The following CMKLR2 variants were observed in gnomAD, a reference collection of about 807,000 sequenced individuals.
CMKLR2 encodes chemerin-like receptor 2.
In CMKLR2, 18 loss-of-function variants were observed where a neutral mutation model predicts 23.0. That is an observed-to-expected ratio of 0.78 (90% CI 0.54 to 1.16). The LOEUF is 1.16. Among genes scored for constraint, CMKLR2 ranks in the 50% most tolerant of loss-of-function variants. The probability of loss-of-function intolerance (pLI) is 0.00; values close to 1 mark genes in which losing one functional copy is unlikely to be tolerated. For synonymous variants in CMKLR2, 158 were observed against 158.9 expected (o/e 0.99, Z 0.05); for missense variants, 401 against 412.7 (o/e 0.97, Z 0.25).
At position 206,177,413 on chromosome 2, in the gene CMKLR2, G is replaced by A. The variant is rs137958765; in HGVS notation, c.-28-138C>T. On this transcript the variant is annotated intron_variant, in intron 1 of 1. Coordinates refer to ENST00000621141, the MANE Select transcript of CMKLR2 (RefSeq NM_001389445.1). Reference sequence around the variant, plus strand: ...ATTATTTTTTCTTTTTTTTGAGACAGGGTCTCACTCTGTTGCCCAAGCTGG... The same window carrying A: ...ATTATTTTTTCTTTTTTTTGAGACAAGGTCTCACTCTGTTGCCCAAGCTGG... 154 of 560,194 alleles carry A rather than the reference G, an allele frequency of 2.7e-4. No homozygotes were observed. In the African/African-American group the frequency reaches 2.8e-3, roughly 10 times the overall value. 34.7% of individuals were successfully genotyped at this position (560,194 alleles called of 1,614,324 possible).
chr2:206,200,307 C>T (rs1035684249), intron 1 of CMKLR2, among the ~76,000 whole-genome samples: 2 of 152,180 alleles, frequency 1.3e-5, no homozygotes, highest in Admixed American at 6.5e-5. Flanking sequence ...CCTGTAATCC[C>T]AGCTGCTCGG....
In CMKLR2 at chr2:206,177,015, T is replaced by C. The variant is rs1435725486; in HGVS notation, c.233A>G (p.Asn78Ser). The change falls in exon 2 of 2, where the codon AAT (asparagine) becomes AGT (serine). Residue 78 changes from asparagine (N) to serine (S), a missense_variant. Physicochemically the swap from Asn to Ser is conservative, Grantham distance 46. Coordinates refer to ENST00000621141, the MANE Select transcript of CMKLR2 (RefSeq NM_001389445.1). ...KKTVTTLWFLNLAIADFIFLL... is the reference protein window; with the variant it reads ...KKTVTTLWFLSLAIADFIFLL... The stretch of plus-strand genomic sequence containing the variant: ...AAAAATGAAATCCGCAATGGCTAGA[T>C]TGAGGAACCACAGAGTGGTGACTGT... 3.1e-6 allele frequency: 5 copies of C among 1,614,158 alleles called. No individual in the cohort carries two copies. Among genetic ancestry groups the C allele is most frequent in the Non-Finnish European group, 4.2e-6 (5 of 1,180,020 alleles).
chr2:206,186,407 G>A (rs957912941), intron 1 of CMKLR2, among the ~76,000 whole-genome samples: 1 of 152,178 alleles, frequency 6.6e-6, no homozygotes, highest in African/African-American at 2.4e-5. Context: ...CACCGCGCCC[G>A]GCCGGAATGG....
intron 1 of CMKLR2, among the ~76,000 whole-genome samples, chr2:206,204,143 G>A (rs1280495575): frequency 1.3e-5 from 2 of 152,036 alleles, no homozygotes; most frequent in African/African-American, 2.4e-5. Flanking sequence ...ACGAGGTCAG[G>A]AGATCGAGAC....
chr2:206,180,957 G>T, intron 1 of CMKLR2, among the ~76,000 whole-genome samples: 1 of 151,764 alleles, frequency 6.6e-6, no homozygotes, highest in East Asian at 1.9e-4. Context: ...GTTTCACTTT[G>T]TTGGCCAGGC....
chr2:206,194,139 C>G (rs1297397332), intron 1 of CMKLR2, among the ~76,000 whole-genome samples: 1 of 152,046 alleles, frequency 6.6e-6, no homozygotes, highest in Non-Finnish European at 1.5e-5. Context: ...GTTCATTATC[C>G]GGAGAGGTAA....
At chr2:206,211,452 A>G (rs989782019) in intron 1 of CMKLR2, among the ~76,000 whole-genome samples, 1 of 151,822 alleles carries the variant, frequency 6.6e-6, no homozygotes, top group African/African-American at 2.4e-5. Flanking sequence ...AGCCTCCCAA[A>G]TAGCTGGGAC....
chr2:206,207,236 G>C (rs1689360962), intron 1 of CMKLR2, among the ~76,000 whole-genome samples: 2 of 151,482 alleles, frequency 1.3e-5, no homozygotes, highest in Admixed American at 6.6e-5. Flanking sequence ...CTGCAACAGG[G>C]TTCAAGTGAT....
At chr2:206,195,269 G>A (rs1688883947) in intron 1 of CMKLR2, among the ~76,000 whole-genome samples, 1 of 152,146 alleles carries the variant, frequency 6.6e-6, no homozygotes, top group African/African-American at 2.4e-5. Context: ...AATGCTTAAG[G>A]AACCAGTGAG....
chr2:206,190,890 G>A (rs746131649), intron 1 of CMKLR2, among the ~76,000 whole-genome samples: 7 of 152,124 alleles, frequency 4.6e-5, no homozygotes, highest in Non-Finnish European at 7.4e-5. Flanking sequence ...CACATGTACC[G>A]GAAGTCAACG....
At chr2:206,181,515 CA>C (rs1688411558) in intron 1 of CMKLR2, among the ~76,000 whole-genome samples, 1 of 152,100 alleles carries the variant, frequency 6.6e-6, no homozygotes, top group Non-Finnish European at 1.5e-5. Flanking sequence ...TTGACTCCCC[CA>C]AAACTTAACT....
intron 1 of CMKLR2, among the ~76,000 whole-genome samples, chr2:206,195,470 A>T (rs1451931397): frequency 3.3e-5 from 5 of 152,172 alleles, no homozygotes. Flanking sequence ...GGTGGGCACT[A>T]AGGGAGTTTG....
At chr2:206,201,107 A>G (rs567701857) in intron 1 of CMKLR2, among the ~76,000 whole-genome samples, 11 of 151,482 alleles carry the variant, frequency 7.3e-5, no homozygotes, top group African/African-American at 2.7e-4. Context: ...ACCCACCACC[A>G]CTCCTGGCTA....
upstream of CMKLR2, among the ~76,000 whole-genome samples, chr2:206,216,988 A>G (rs1689775210): frequency 1.3e-5 from 2 of 152,148 alleles, no homozygotes; most frequent in South Asian, 4.1e-4. Context: ...AACATCTAAA[A>G]ACTCTGATGA....
At chr2:206,194,625 A>T (rs768423456) in intron 1 of CMKLR2, among the ~76,000 whole-genome samples, 9 of 151,438 alleles carry the variant, frequency 5.9e-5, no homozygotes, top group African/African-American at 1.2e-4. Context: ...TAGTAGAGAC[A>T]GGGTTTCACC....
intron 1 of CMKLR2, among the ~76,000 whole-genome samples, chr2:206,179,055 CTTTTTTTTTTTTTTTTT>C (rs71034421): frequency 2.6e-3 from 128 of 49,352 alleles, no homozygotes; most frequent in Middle Eastern, 0.02. Context: ...CTCCCTGTCC[CTTTTTTTTTTTTTTTTT>C]TTTTTTTTTT....
intron 1 of CMKLR2, among the ~76,000 whole-genome samples, chr2:206,203,180 T>C (rs1340420163): frequency 1.7e-5 from 2 of 118,128 alleles, no homozygotes; most frequent in East Asian, 5.3e-4. Context: ...AAAAAAAAAT[T>C]AGCCGGGCAT....
At chr2:206,181,525 C>T (rs1368279251) in intron 1 of CMKLR2, among the ~76,000 whole-genome samples, 1 of 152,162 alleles carries the variant, frequency 6.6e-6, no homozygotes, top group African/African-American at 2.4e-5. Flanking sequence ...CAAAACTTAA[C>T]TATTAATAGC....
intron 1 of CMKLR2, among the ~76,000 whole-genome samples, chr2:206,193,102 G>T (rs1259650426): frequency 6.6e-6 from 1 of 152,010 alleles, no homozygotes; most frequent in African/African-American, 2.4e-5. Context: ...GGCCAACTGT[G>T]TTTTCTTTTT....
Sources: allele counts gnomAD v4.1 joint callset (sites outside exome capture counted in the v4.1 genomes callset), GRCh38; gene constraint gnomAD v4.1.1; transcripts MANE v1.5; gene names NCBI Gene and HGNC (gene_info 2026-07-23, HGNC 2026-07-21).